NKAIN4: variants seen among roughly 807,000 people sequenced by gnomAD.
NKAIN4 encodes sodium/potassium transporting ATPase interacting 4.
In NKAIN4, 28 loss-of-function variants were observed where a neutral mutation model predicts 28.8. That is an observed-to-expected ratio of 0.97 (90% CI 0.72 to 1.33). The LOEUF is 1.33. NKAIN4 is among the 40% of genes most tolerant of loss of function. NKAIN4 has a pLI of 0.00. For missense variants in NKAIN4, 289 were observed against 277.2 expected (o/e 1.04, Z -0.30); for synonymous variants, 122 against 115.6 (o/e 1.06, Z -0.36).
chr20:63,248,604 T>G (rs1041095570), intron 3 of NKAIN4: 1 of 535,810 alleles, frequency 1.9e-6, no homozygotes, highest in African/African-American at 1.9e-5. Flanking sequence ...CAGACGCCTT[T>G]CTTTCACCAA....
At chr20:63,242,971 C>T (rs552773849) in intron 5 of NKAIN4, among the ~76,000 whole-genome samples, 7 of 152,288 alleles carry the variant, frequency 4.6e-5, no homozygotes, top group African/African-American at 1.2e-4. Flanking sequence ...CAGGACAGCC[C>T]GGGTCCTCCA....
chr20:63,251,670 T>C lies in NKAIN4; in HGVS notation c.55-1598A>G, dbSNP rs1442639315. Among the ~76,000 whole-genome samples, 7 of 152,234 alleles carry C rather than the reference T, an allele frequency of 4.6e-5. No homozygotes were observed. In the East Asian group the frequency reaches 1.3e-3, roughly 29 times the overall value. On this transcript the variant is annotated intron_variant, in intron 1 of 6. Coordinates refer to ENST00000370316, the MANE Select transcript of NKAIN4 (RefSeq NM_152864.4). Reference sequence around the variant, plus strand: ...GTATGGCCTGGTTTTTCCTAGATTATGATTGTAGAGCAAGGATTATTATAA... The same window carrying C: ...GTATGGCCTGGTTTTTCCTAGATTACGATTGTAGAGCAAGGATTATTATAA...
intron 5 of NKAIN4, among the ~76,000 whole-genome samples, chr20:63,242,842 G>T (rs1316145963): frequency 6.7e-6 from 1 of 150,084 alleles, no homozygotes; most frequent in Non-Finnish European, 1.5e-5. Flanking sequence ...TCGGGGGACA[G>T]TGGGGGTGGG....
upstream of NKAIN4, chr20:63,254,583 C>T (rs2067019381): frequency 3.2e-6 from 2 of 624,184 alleles, no homozygotes; most frequent in Non-Finnish European, 4.6e-6. Flanking sequence ...CCGCAACCCC[C>T]GGCCCAGCCC....
intron 5 of NKAIN4, among the ~76,000 whole-genome samples, chr20:63,242,896 A>G (rs1462228788): frequency 1.5e-5 from 2 of 133,814 alleles, no homozygotes; most frequent in African/African-American, 5.8e-5. Flanking sequence ...GCCTGGGGGG[A>G]CGGCAGGGGT....
intron 4 of NKAIN4, 67 bp from the exon 5 acceptor site, chr20:63,244,151 T>C (rs1167670121): frequency 1.4e-6 from 2 of 1,443,812 alleles, no homozygotes; most frequent in Non-Finnish European, 1.9e-6. Flanking sequence ...ATTGAGGCGA[T>C]GTGGGCCGAA....
chr20:63,248,681 G>A (rs1275893613), intron 3 of NKAIN4, 134 bp downstream of exon 3: 1 of 664,570 alleles, frequency 1.5e-6, no homozygotes, highest in Non-Finnish European at 2.8e-6. Context: ...TGTTCTGGGT[G>A]CTGGGGACAG....
chr20:63,246,543 G>C, intron 4 of NKAIN4: 3 of 985,472 alleles, frequency 3.0e-6, no homozygotes, highest in Non-Finnish European at 3.6e-6. Context: ...CGTGTGCTCA[G>C]GCCACGGGCT....
chr20:63,251,275 A>T (rs2066954524), intron 1 of NKAIN4, among the ~76,000 whole-genome samples: 1 of 152,162 alleles, frequency 6.6e-6, no homozygotes, highest in Non-Finnish European at 1.5e-5. Flanking sequence ...GGTGCACAGG[A>T]TGGAACATGA....
rs2066971015 is a variant in NKAIN4, at chr20:63,252,105, C to T, written c.55-2033G>A. Among the ~76,000 whole-genome samples the T allele has an allele frequency of 6.6e-6, 1 of 152,208 alleles. No homozygotes were observed. The highest frequency in any genetic ancestry group is 6.5e-5 in the Admixed American group (1 of 15,288). On this transcript the variant is annotated intron_variant, in intron 1 of 6. Transcript: ENST00000370316. This position sits in a 1 kb window ranked among gnomAD's most constrained non-coding sequence, Gnocchi z 4.6. ...TGAGGAGCAGCCTCAGGTCTGGCTCCAGAATGGAGACCCTGCAGCACAGAG... is the reference window on the plus strand; with the variant it reads ...TGAGGAGCAGCCTCAGGTCTGGCTCTAGAATGGAGACCCTGCAGCACAGAG...
chr20:63,242,944 T>C (rs2066786817), intron 5 of NKAIN4, among the ~76,000 whole-genome samples: 1 of 150,240 alleles, frequency 6.7e-6, no homozygotes, highest in Non-Finnish European at 1.5e-5. Context: ...GGGGATGGCC[T>C]CGGGGGACAG....
intron 4 of NKAIN4, among the ~76,000 whole-genome samples, chr20:63,244,299 C>A: frequency 6.6e-6 from 1 of 152,216 alleles, no homozygotes; most frequent in East Asian, 1.9e-4. Context: ...TTCCACCCCA[C>A]CCCACTCAAC....
intron 4 of NKAIN4, among the ~76,000 whole-genome samples, 194 bp from the exon 5 acceptor site, chr20:63,244,278 GCA>G (rs112067448): frequency 6.6e-6 from 1 of 152,210 alleles, no homozygotes; most frequent in Non-Finnish European, 1.5e-5. Context: ...AGCTCCGGAC[GCA>G]CCCCTGCCTT....
At chr20:63,253,259 GCCC>G (rs1358582640) in intron 1 of NKAIN4, 1 of 985,214 alleles carries the variant, frequency 1.0e-6, no homozygotes, top group East Asian at 1.1e-4. Flanking sequence ...TGGTCCTTGG[GCCC>G]CCAGCCTGTT....
chr20:63,246,174 T>C (rs1222984975), intron 4 of NKAIN4, among the ~76,000 whole-genome samples: 6 of 152,178 alleles, frequency 3.9e-5, no homozygotes, highest in African/African-American at 7.2e-5. Flanking sequence ...GTGATCCGCC[T>C]GCCTCGGCCT....
chr20:63,254,042 C>G, intron 1 of NKAIN4: 1 of 258,510 alleles, frequency 3.9e-6, no homozygotes, highest in Non-Finnish European at 7.5e-6. Flanking sequence ...CACCCGGGGG[C>G]GCACCCGGGG....
chr20:63,249,596 C>G (rs766872453), intron 2 of NKAIN4, among the ~76,000 whole-genome samples: 2 of 152,182 alleles, frequency 1.3e-5, no homozygotes, highest in African/African-American at 4.8e-5. Flanking sequence ...CCTGGGCTTC[C>G]GACAGTGATT....
intron 2 of NKAIN4, chr20:63,249,210 G>A (rs2066914851): frequency 1.0e-5 from 4 of 385,322 alleles, no homozygotes; most frequent in Middle Eastern, 1.6e-3. Flanking sequence ...TCGCCTCACC[G>A]GGCTGACATT....
At position 63,247,581 on chromosome 20, in the gene NKAIN4, G is replaced by T; in HGVS notation, c.468C>A (p.Ile156=). Residue 156 remains isoleucine (I), a synonymous_variant, in exon 4 of 7, where the codon ATC becomes ATA. Coordinates refer to ENST00000370316, the MANE Select transcript of NKAIN4 (RefSeq NM_152864.4). ...EALHSCLQIL[I]ALLGFVCGCQ... is the part of the protein sequence containing the mutation. ...GGGCCCCCTTCCCCACGCTCACCGC[G>T]ATCAGGATCTGCAGGCAACTGTGTA... The T allele has an allele frequency of 3.2e-6, 5 of 1,546,222 alleles. No homozygotes were observed. The highest frequency in any genetic ancestry group is 4.4e-6 in the Non-Finnish European group (5 of 1,144,432).
Sources: allele counts gnomAD v4.1 joint callset (sites outside exome capture counted in the v4.1 genomes callset), GRCh38; gene constraint gnomAD v4.1.1; non-coding constraint Gnocchi (gnomAD v3.1); transcripts MANE v1.5; gene names NCBI Gene and HGNC (gene_info 2026-07-23, HGNC 2026-07-21).